DDX11: variants seen among roughly 807,000 people sequenced by gnomAD.
DDX11 encodes the protein DEAD/H-box helicase 11, also known as ATP-dependent DNA helicase DDX11.
Under a neutral mutation model 125.2 loss-of-function variants are expected in DDX11, and 72 were observed. The ratio of observed to expected loss-of-function variants is 0.58; its 90% CI spans 0.48 to 0.70. The LOEUF (loss-of-function observed/expected upper bound fraction) is 0.70. Ranked by LOEUF, DDX11 falls within the 30% of genes least tolerant of loss-of-function variation. The pLI is 0.00. For synonymous variants in DDX11, 347 were observed against 452.6 expected, an observed-to-expected ratio of 0.77 and a Z score of 2.96; for missense variants, 883 against 1,165.0, an observed-to-expected ratio of 0.76 and a Z score of 3.52.
Position 31,089,905 on chromosome 12 carries a change from G to A in DDX11, c.900G>A (p.Glu300=). Residue 300 remains glutamate, a synonymous_variant, in exon 9 of 27, where the codon GAG becomes GAA. Coordinates refer to ENST00000542838, the MANE Select transcript of DDX11 (RefSeq NM_030653.4). ...RSRHEKKKGA[E]EEKPKRRRQE... is the part of the protein sequence containing the mutation. ...CCTCAGAGAAGAAGAAAGGAGCTGAGGAGGAGAAGCCAAAGAGGAGGAGGC... is the reference window on the plus strand; with the variant it reads ...CCTCAGAGAAGAAGAAAGGAGCTGAAGAGGAGAAGCCAAAGAGGAGGAGGC... 2 of 1,608,502 alleles carry A rather than the reference G, an allele frequency of 1.2e-6. No individual in the cohort carries two copies. The highest frequency in any genetic ancestry group is 1.7e-6 in the Non-Finnish European group (2 of 1,178,590).
rs1287274938 is a variant in DDX11, at chr12:31,104,019, G to A, written c.*183G>A. 3.9e-6 allele frequency: 6 copies of A among 1,553,574 alleles called. No individual in the cohort carries two copies. In the South Asian group the frequency reaches 5.9e-5, roughly 15 times the overall value. On this transcript the variant is annotated 3_prime_UTR_variant, in exon 27 of 27. Transcript: ENST00000542838. Reference sequence around the variant, plus strand: ...CGTTAGCTCCCGTAGGAGAAAATGGGGGAATCCTGAATGAACAGTGGGTCC... The same window carrying A: ...CGTTAGCTCCCGTAGGAGAAAATGGAGGAATCCTGAATGAACAGTGGGTCC...
rs747726783 is a variant in DDX11, at chr12:31,096,986, C to G, written c.1758C>G (p.Arg586=). Residue 586 remains arginine (R), a synonymous_variant, in exon 17 of 27, where the codon CGC becomes CGG. Coordinates refer to ENST00000542838, the MANE Select transcript of DDX11 (RefSeq NM_030653.4). ...AGGACGGCAGGGTCATCCTGAGCCGCCAAGGTAATCAGGTGGTTCTTGGCC... is the reference window on the plus strand; with the variant it reads ...AGGACGGCAGGGTCATCCTGAGCCGGCAAGGTAATCAGGTGGTTCTTGGCC... ...ANQDGRVILS[R]QGSLSQSTLK... is the part of the protein sequence containing the mutation. 10 of 1,613,584 alleles carry G rather than the reference C, an allele frequency of 6.2e-6. No homozygotes were observed. Among genetic ancestry groups the G allele is most frequent in the Non-Finnish European group, 7.6e-6 (9 of 1,179,852 alleles).
chr12:31,095,815 A>T (rs1459082439), intron 14 of DDX11, among the ~76,000 whole-genome samples: 1 of 151,540 alleles, frequency 6.6e-6, no homozygotes, highest in Admixed American at 6.6e-5. Flanking sequence ...GGGTCTCATC[A>T]CTCACCATTG....
chr12:31,101,919 G>A lies in DDX11; in HGVS notation c.2139G>A (p.Leu713=), dbSNP rs1264363137. 6.2e-7 allele frequency: 1 copy of A among 1,613,750 alleles called. No homozygotes were observed. The highest frequency in any genetic ancestry group is 8.5e-7 in the Non-Finnish European group (1 of 1,179,846). ...GTTTCTTCCCCTCCTACGAGTACCT[G>A]CGCCAGGTCCATGCCCACTGGGAGA... ...VVCFFPSYEY[L]RQVHAHWEKG... Residue 713 remains leucine, a synonymous_variant, in exon 21 of 27, where the codon CTG becomes CTA. Transcript: ENST00000542838.
At position 31,097,865 on chromosome 12, in the gene DDX11, C is replaced by T. The variant is rs1461274951; in HGVS notation, c.1763-20C>T. On this transcript the variant is annotated intron_variant, in intron 17 of 26. Coordinates refer to ENST00000542838, the MANE Select transcript of DDX11 (RefSeq NM_030653.4). ...TGTCTGTTGGGCTTGCACTCACCTC[C>T]CACCGATCTGTTTTTCCAGGCAGCC... is the stretch of plus-strand genomic sequence containing the variant. 1.3e-6 allele frequency: 2 copies of T among 1,554,764 alleles called. No homozygotes were observed. The highest frequency in any genetic ancestry group is 1.8e-6 in the Non-Finnish European group (2 of 1,129,430).
chr12:31,084,126 G>T lies in DDX11; in HGVS notation c.393+65G>T, dbSNP rs1942569576. The T allele has an allele frequency of 1.9e-6, 3 of 1,599,312 alleles. No homozygotes were observed. In the South Asian group the frequency reaches 3.3e-5, roughly 18 times the overall value. On this transcript the variant is annotated intron_variant, in intron 3 of 26. Transcript: ENST00000542838. ...AACAGGGCTTCAGCGATTGTTCTGGGGCGATTCCGAGACTCAGGCAGTGCA... is the reference window on the plus strand; with the variant it reads ...AACAGGGCTTCAGCGATTGTTCTGGTGCGATTCCGAGACTCAGGCAGTGCA...
Position 31,102,246 on chromosome 12 carries a change from T to C in DDX11, c.2206T>C (p.Phe736Leu), listed in dbSNP as rs1482350335. Reference protein sequence around the residue: ...LGRLAARKKIFQEPKSAHQVE... With the variant: ...LGRLAARKKILQEPKSAHQVE... ...AAATGTCCTCTGTCTTTCTCAGATATTCCAGGAACCTAAGAGCGCACACCA... is the reference window on the plus strand; with the variant it reads ...AAATGTCCTCTGTCTTTCTCAGATACTCCAGGAACCTAAGAGCGCACACCA... The change falls in exon 22 of 27, where the codon TTC (phenylalanine) becomes CTC (leucine). Residue 736 changes from phenylalanine to leucine, a missense_variant. Around this residue, in one of 5 missense-constraint regions of DDX11, gnomAD observed 285 missense variants for 346.0 expected, o/e 0.82. Coordinates refer to ENST00000542838, the MANE Select transcript of DDX11 (RefSeq NM_030653.4). 5 of 1,613,912 alleles carry C rather than the reference T, an allele frequency of 3.1e-6. No individual in the cohort carries two copies. In the Admixed American group the frequency reaches 8.3e-5, roughly 27 times the overall value.
chr12:31,086,850 T>TA (rs1234975313), intron 5 of DDX11, among the ~76,000 whole-genome samples: 1 of 137,244 alleles, frequency 7.3e-6, no homozygotes, highest in Non-Finnish European at 1.5e-5. Context: ...CCTGCTGGCT[T>TA]TGTCCAGCAT....
Position 31,093,338 on chromosome 12 carries a change from C to G in DDX11, c.1369+14C>G. 1.2e-6 allele frequency: 2 copies of G among 1,613,826 alleles called. No homozygotes were observed. Among genetic ancestry groups the G allele is most frequent in the South Asian group, 1.1e-5 (1 of 91,044 alleles). On this transcript the variant is annotated intron_variant, in intron 12 of 26. Transcript: ENST00000542838. ...CTGTGCTAGGGGGTGAGAGCCTCGT[C>G]CCCCTGCTGACCCCGGGCCTGCAAA...
At position 31,089,157 on chromosome 12, in the gene DDX11, C is replaced by T. The variant is rs777541567; in HGVS notation, c.792+6C>T. On this transcript the variant is annotated splice_donor_region_variant and intron_variant, in intron 7 of 26. Transcript: ENST00000542838. ...TCTCCCTTGGCTCCCGGCAGGTAAACAGTAGCCAGTATTTCCACCAGGGGC... is the reference window on the plus strand; with the variant it reads ...TCTCCCTTGGCTCCCGGCAGGTAAATAGTAGCCAGTATTTCCACCAGGGGC... 6.2e-6 allele frequency: 10 copies of T among 1,611,076 alleles called. No homozygotes were observed. In the South Asian group the frequency reaches 1.1e-4, roughly 18 times the overall value.
At chr12:31,086,729 G>T (rs763271255) in intron 5 of DDX11, among the ~76,000 whole-genome samples, 23 of 149,020 alleles carry the variant, frequency 1.5e-4, no homozygotes, top group Non-Finnish European at 2.8e-4. Flanking sequence ...AGCTTCTGGG[G>T]CTTCCCATGC....
intron 22 of DDX11, 46 bp from the exon 23 acceptor site, chr12:31,102,381 A>G (rs1946545306): frequency 1.2e-6 from 2 of 1,610,352 alleles, no homozygotes; most frequent in Non-Finnish European, 1.7e-6. Context: ...TGTGGGTGTC[A>G]TCCAAGTTTT....
At chr12:31,092,149 A>C (rs929442104) in intron 10 of DDX11, among the ~76,000 whole-genome samples, 1 of 152,148 alleles carries the variant, frequency 6.6e-6, no homozygotes, top group Non-Finnish European at 1.5e-5. Context: ...TAAGCCAGGG[A>C]GATGGCATGT....
rs150671937 is a variant in DDX11 at position 31,101,046 on chromosome 12, C to T, written c.1968C>T (p.Asp656=). 2.3e-5 allele frequency: 37 copies of T among 1,614,048 alleles called. No homozygotes were observed. The highest frequency in any genetic ancestry group is 1.8e-5 in the Non-Finnish European group (21 of 1,179,996). Reference sequence around the variant, plus strand: ...TACCAGGTCACGTGATCCCTCCAGACAACATCCTGCCCCTCGTCATCTGCA... The same window carrying T: ...TACCAGGTCACGTGATCCCTCCAGATAACATCCTGCCCCTCGTCATCTGCA... The part of the protein sequence containing the change: ...EFSCGHVIPP[D]NILPLVICSG... The change falls in exon 20 of 27, where the codon GAC becomes GAT. Residue 656 remains aspartate (D), a synonymous_variant. Transcript: ENST00000542838.
intron 1 of DDX11, among the ~76,000 whole-genome samples, chr12:31,077,677 C>A (rs1283639215): frequency 6.6e-6 from 1 of 151,758 alleles, no homozygotes; most frequent in Non-Finnish European, 1.5e-5. Flanking sequence ...GAAACCCCGT[C>A]TCTACCAAAA....
intron 1 of DDX11, chr12:31,077,890 A>G (rs903592212): frequency 3.9e-5 from 11 of 282,986 alleles, no homozygotes; most frequent in African/African-American, 1.8e-4. Flanking sequence ...AACTTGCGCT[A>G]TCCAAACAAC....
rs1240647828 is a variant in DDX11 at position 31,104,561 on chromosome 12, G to C, written c.*725G>C. The stretch of plus-strand genomic sequence containing the variant: ...CTCTCAACATGACTATAGAGACCCC[G>C]TGTCATCACGGAGACCTTTGTTCCT... On this transcript the variant is annotated 3_prime_UTR_variant, in exon 27 of 27. Transcript: ENST00000542838. 1 of 157,970 alleles carries C rather than the reference G, an allele frequency of 6.3e-6. No homozygotes were observed. Among genetic ancestry groups the C allele is most frequent in the African/African-American group, 2.4e-5 (1 of 41,490 alleles). 9.8% of individuals were successfully genotyped at this position (157,970 alleles called of 1,614,324 possible).
At chr12:31,076,000 A>G (rs1027242677) in intron 1 of DDX11, among the ~76,000 whole-genome samples, 5 of 152,010 alleles carry the variant, frequency 3.3e-5, no homozygotes, top group African/African-American at 9.7e-5. Context: ...AAGCCTGGAT[A>G]TTGAGGAGGA....
At chr12:31,086,021 G>T (rs563201824) in intron 5 of DDX11, 2 of 454,258 alleles carry the variant, frequency 4.4e-6, no homozygotes. Flanking sequence ...CAGTCTGTCT[G>T]CAGGGCGCCT....
Sources: gnomAD v4.1 joint callset for allele counts (sites outside exome capture counted in the v4.1 genomes callset) on GRCh38, gnomAD v4.1.1 for gene constraint, gnomAD v4.1.1 regional missense constraint, MANE v1.5 for transcripts, NCBI Gene and HGNC (gene_info 2026-07-23, HGNC 2026-07-21) for gene names.